Variants in ARHGEF28 observed in about 807,000 individuals in gnomAD.
ARHGEF28 encodes Rho guanine nucleotide exchange factor 28, also known as 190 kDa guanine nucleotide exchange factor.
A neutral mutation model predicts 206.6 loss-of-function variants in ARHGEF28; 152 were observed. The observed-to-expected ratio is 0.74, with a 90% CI of 0.64 to 0.84. ARHGEF28 has a LOEUF of 0.84. ARHGEF28 is among the 40% of genes least tolerant of loss of function. The pLI is 0.00. For missense variants in ARHGEF28, 2,028 were observed against 2,073.2 expected (o/e 0.98, Z 0.42); for synonymous variants, 763 against 776.4 (o/e 0.98, Z 0.29).
intron 10 of ARHGEF28, among the ~76,000 whole-genome samples, chr5:73,838,642 A>T (rs1757806135): frequency 6.6e-6 from 1 of 152,208 alleles, no homozygotes; most frequent in African/African-American, 2.4e-5. Flanking sequence ...GTGGGTGGTT[A>T]TGTGTGCATG....
At position 73,891,669 on chromosome 5, in the gene ARHGEF28, C is replaced by T. The variant is rs369863146; in HGVS notation, c.3388-383C>T. ...CCTCCCAAGCAGCTGAGACTACAGG[C>T]GCACACCAGCACATCTGGCTAATTT... is the stretch of plus-strand genomic sequence containing the variant. On this transcript the variant is annotated intron_variant, in intron 26 of 35. Transcript: ENST00000513042. Among the ~76,000 whole-genome samples the T allele has an allele frequency of 4.4e-4, 67 of 151,996 alleles. No individual in the cohort carries two copies. The South Asian group carries it at 0.011, about 26-fold the overall frequency.
intron 9 of ARHGEF28, among the ~76,000 whole-genome samples, chr5:73,798,994 G>A (rs895890094): frequency 9.2e-5 from 14 of 152,190 alleles, no homozygotes; most frequent in African/African-American, 3.4e-4. Flanking sequence ...GCTGAGGCAG[G>A]ACAATGGCTT....
chr5:73,777,799 G>A (rs564528397), intron 6 of ARHGEF28, among the ~76,000 whole-genome samples: 2 of 152,124 alleles, frequency 1.3e-5, no homozygotes, highest in Admixed American at 6.5e-5. Flanking sequence ...CTGGCTGGGC[G>A]TGGTGGCTCA....
chr5:73,723,361 T>C (rs1446896574), intron 2 of ARHGEF28, among the ~76,000 whole-genome samples: 1 of 152,142 alleles, frequency 6.6e-6, no homozygotes, highest in Non-Finnish European at 1.5e-5. Flanking sequence ...CTAATTTTTG[T>C]ATTTTTAGTA....
intron 16 of ARHGEF28, among the ~76,000 whole-genome samples, chr5:73,861,927 C>A (rs1180442760): frequency 6.6e-6 from 1 of 152,004 alleles, no homozygotes; most frequent in Non-Finnish European, 1.5e-5. Context: ...GGAGCAATAC[C>A]AATATGATAC....
chr5:73,723,925 A>G (rs1386787690), intron 2 of ARHGEF28, among the ~76,000 whole-genome samples: 3 of 152,170 alleles, frequency 2.0e-5, no homozygotes, highest in Non-Finnish European at 4.4e-5. Context: ...TGGGGTTTGC[A>G]TTTGGGGGCA....
chr5:73,826,213 G>T (rs908281449), intron 9 of ARHGEF28, among the ~76,000 whole-genome samples: 3 of 152,188 alleles, frequency 2.0e-5, no homozygotes, highest in Non-Finnish European at 4.4e-5. Context: ...CTGACTATAG[G>T]TTCTGTCATT....
rs373526129 is a variant in ARHGEF28 at position 73,937,169 on chromosome 5, A to G, written c.4949-3675A>G. On this transcript the variant is annotated intron_variant, in intron 35 of 35. Transcript: ENST00000513042. The stretch of plus-strand genomic sequence containing the variant: ...CTGCAGGTGTGTCTCTTGACAGTCT[A>G]TTTCCTGTCCCACATGCCCACAAAG... Among the ~76,000 whole-genome samples, 16 of 152,298 alleles carry G rather than the reference A, an allele frequency of 1.1e-4. No individual in the cohort carries two copies. The East Asian group carries it at 1.9e-3, about 18-fold the overall frequency.
chr5:73,773,062 TAAC>T (rs1753312658), intron 4 of ARHGEF28, among the ~76,000 whole-genome samples: 1 of 152,242 alleles, frequency 6.6e-6, no homozygotes, highest in Non-Finnish European at 1.5e-5. Flanking sequence ...GTAGAGATTT[TAAC>T]AGCCAATTGT....
Position 73,646,416 on chromosome 5 carries a change from A to G in ARHGEF28, c.-12+20094A>G, listed in dbSNP as rs16870657. On this transcript the variant is annotated intron_variant, in intron 1 of 35. Coordinates refer to ENST00000513042, the MANE Select transcript of ARHGEF28 (RefSeq NM_001177693.2). ...CCTATTCCTACACAAAAAAAGTTCA[A>G]GGTTCTCCAGCCACCAATCAAGATT... Among the ~76,000 whole-genome samples the G allele has an allele frequency of 5.1e-3, 778 of 152,254 alleles. 5 individuals are homozygous for G. Among genetic ancestry groups the G allele is most frequent in the African/African-American group, 0.018 (755 of 41,548 alleles).
chr5:73,936,437 C>T (rs1183397656), intron 35 of ARHGEF28, among the ~76,000 whole-genome samples: 2 of 152,162 alleles, frequency 1.3e-5, no homozygotes, highest in African/African-American at 4.8e-5. Context: ...CGCTTCATAC[C>T]TGCGTCAGAT....
intron 9 of ARHGEF28, among the ~76,000 whole-genome samples, chr5:73,802,870 C>CTGTGTGTGTGTGTG (rs561505395): frequency 1.1e-4 from 13 of 122,224 alleles, no homozygotes; most frequent in African/African-American, 3.5e-4. Context: ...AGCTCGATTG[C>CTGTGTGTGTGTGTG]TGTGTGTGTG....
At chr5:73,792,289 A>T (rs1488859924) in intron 7 of ARHGEF28, among the ~76,000 whole-genome samples, 1 of 152,170 alleles carries the variant, frequency 6.6e-6, no homozygotes, top group African/African-American at 2.4e-5. Context: ...ACACGGAAAA[A>T]CGTAGGCATG....
rs79375869 is a variant in ARHGEF28, at chr5:73,911,043, A to C, written c.4648-232A>C. Reference sequence around the variant, plus strand: ...AAGTGGAAACACTTTAATGTCATAGAGTGCCACTTTTTTTGTTGTTGTTGT... The same window carrying C: ...AAGTGGAAACACTTTAATGTCATAGCGTGCCACTTTTTTTGTTGTTGTTGT... On this transcript the variant is annotated intron_variant, in intron 34 of 35. Coordinates refer to ENST00000513042, the MANE Select transcript of ARHGEF28 (RefSeq NM_001177693.2). 6.7e-3 allele frequency among the ~76,000 whole-genome samples: 1,023 copies of C among 152,300 alleles called. 13 individuals carry two copies. The highest frequency in any genetic ancestry group is 0.024 in the African/African-American group (996 of 41,558).
At chr5:73,724,366 T>C (rs930018845) in intron 2 of ARHGEF28, among the ~76,000 whole-genome samples, 2 of 152,214 alleles carry the variant, frequency 1.3e-5, no homozygotes, top group Admixed American at 6.5e-5. Context: ...TGGACATGAA[T>C]AGAATTTCAG....
Position 73,840,710 on chromosome 5 carries a change from T to C in ARHGEF28, c.1377T>C (p.Ser459=). 2.5e-6 allele frequency: 4 copies of C among 1,612,216 alleles called. No homozygotes were observed. The highest frequency in any genetic ancestry group is 2.5e-6 in the Non-Finnish European group (3 of 1,178,966). The change falls in exon 11 of 36, where the codon TCT becomes TCC. Residue 459 remains serine (S), a synonymous_variant. Coordinates refer to ENST00000513042, the MANE Select transcript of ARHGEF28 (RefSeq NM_001177693.2). ...SSSCASNLNL[S]FGWHGFEKEQ... Reference sequence around the variant, plus strand: ...CGTGTGCTTCCAACTTGAATCTTTCTTTTGGTTGGCATGGATTTGAAAAGG... The same window carrying C: ...CGTGTGCTTCCAACTTGAATCTTTCCTTTGGTTGGCATGGATTTGAAAAGG...
intron 2 of ARHGEF28, among the ~76,000 whole-genome samples, chr5:73,710,712 A>T (rs1029316456): frequency 6.6e-6 from 1 of 151,976 alleles, no homozygotes; most frequent in Non-Finnish European, 1.5e-5. Flanking sequence ...CTCTGAATTA[A>T]TTTTTTTTAA....
At chr5:73,678,890 T>G (rs1746879441) in intron 1 of ARHGEF28, among the ~76,000 whole-genome samples, 1 of 152,192 alleles carries the variant, frequency 6.6e-6, no homozygotes, top group African/African-American at 2.4e-5. Context: ...TGTATATATA[T>G]TTTGACTAGG....
chr5:73,804,094 AAAAAAAAAAAAAAG>A (rs1347400466), intron 9 of ARHGEF28, among the ~76,000 whole-genome samples: 1 of 151,508 alleles, frequency 6.6e-6, no homozygotes, highest in Non-Finnish European at 1.5e-5. Context: ...AAAAAAAAAA[AAAAAAAAAAAAAAG>A]AAAGAGTCAA....
Sources: allele counts gnomAD v4.1 joint callset (sites outside exome capture counted in the v4.1 genomes callset), GRCh38; gene constraint gnomAD v4.1.1; transcripts MANE v1.5; gene names NCBI Gene and HGNC (gene_info 2026-07-23, HGNC 2026-07-21).